Variants in C12orf42 observed in about 807,000 individuals in gnomAD.
C12orf42 encodes uncharacterized protein C12orf42.
C12orf42 carries 25 observed loss-of-function variants against 21.6 expected under a neutral mutation model. The ratio of observed to expected loss-of-function variants is 1.16; its 90% CI spans 0.84 to 1.62. C12orf42 has a LOEUF of 1.62. C12orf42 is among the 40% of genes most tolerant of loss of function. The pLI, the probability that C12orf42 is intolerant of heterozygous loss-of-function variation, is 0.00. For missense variants in C12orf42, 483 were observed against 459.3 expected (o/e 1.05, Z -0.47); for synonymous variants, 174 against 175.0 (o/e 0.99, Z 0.05).
chr12:103,252,383 T>C (rs1225979307), intron 10 of C12orf42, among the ~76,000 whole-genome samples: 2 of 152,212 alleles, frequency 1.3e-5, no homozygotes, highest in Non-Finnish European at 2.9e-5. Flanking sequence ...TCTTCCACAA[T>C]GGCTGAACTA....
chr12:103,544,422 G>A, the C12orf42 span, among the ~76,000 whole-genome samples: 1 of 152,114 alleles, frequency 6.6e-6, no homozygotes, highest in Non-Finnish European at 1.5e-5. Flanking sequence ...TTCTCTGGCT[G>A]CTTTTAAGAC....
At chr12:103,476,444 A>G (rs1859681974) in intron 2 of C12orf42, among the ~76,000 whole-genome samples, 1 of 152,200 alleles carries the variant, frequency 6.6e-6, no homozygotes, top group African/African-American at 2.4e-5. Flanking sequence ...ACTGAGAGGA[A>G]GAACTCTGGC....
At chr12:103,239,133 A>G (rs767498450) in intron 10 of C12orf42, among the ~76,000 whole-genome samples, 1 of 152,170 alleles carries the variant, frequency 6.6e-6, no homozygotes, top group African/African-American at 2.4e-5. Flanking sequence ...TAATATTTGG[A>G]TAAAATAAAA....
intron 2 of C12orf42, among the ~76,000 whole-genome samples, chr12:103,464,998 A>T (rs1223195501): frequency 6.6e-6 from 1 of 152,092 alleles, no homozygotes; most frequent in African/African-American, 2.4e-5. Flanking sequence ...GTCAGGTAGC[A>T]TGATGCTTCC....
At chr12:103,475,324 C>T (rs1436840705) in intron 2 of C12orf42, among the ~76,000 whole-genome samples, 3 of 152,182 alleles carry the variant, frequency 2.0e-5, no homozygotes, top group African/African-American at 7.2e-5. Context: ...ATGTTCTAGT[C>T]AAACATGCAA....
At chr12:103,119,929 A>G in the C12orf42 span, among the ~76,000 whole-genome samples, 1 of 152,202 alleles carries the variant, frequency 6.6e-6, no homozygotes, top group Non-Finnish European at 1.5e-5. Context: ...ATATGGTGGT[A>G]CAACTCTTGG....
chr12:103,465,313 A>C (rs200168563), intron 2 of C12orf42, among the ~76,000 whole-genome samples: 2 of 152,206 alleles, frequency 1.3e-5, no homozygotes, highest in East Asian at 3.9e-4. Context: ...GAGGTCCTTC[A>C]CTTCCCTTGT....
At chr12:103,442,972 C>T (rs74873968) in intron 2 of C12orf42, among the ~76,000 whole-genome samples, 19 of 152,160 alleles carry the variant, frequency 1.2e-4, no homozygotes, top group African/African-American at 3.9e-4. Context: ...GTAGTAAACA[C>T]GGCAGGTGCT....
At chr12:103,249,117 G>C (rs924247891) in intron 10 of C12orf42, among the ~76,000 whole-genome samples, 7 of 151,976 alleles carry the variant, frequency 4.6e-5, no homozygotes, top group African/African-American at 1.7e-4. Context: ...CCCTGAGGGA[G>C]GTCATATTAG....
intron 2 of C12orf42, among the ~76,000 whole-genome samples, chr12:103,459,800 G>A (rs1039361965): frequency 6.6e-6 from 1 of 152,186 alleles, no homozygotes; most frequent in Non-Finnish European, 1.5e-5. Context: ...AGCACACTGT[G>A]TAGACAGAGC....
chr12:103,286,480 T>C (rs2036468332), intron 4 of C12orf42, among the ~76,000 whole-genome samples: 1 of 151,438 alleles, frequency 6.6e-6, no homozygotes, highest in African/African-American at 2.4e-5. Context: ...ATATATAAAA[T>C]AATATCATAG....
rs528571063 is a variant in C12orf42, at chr12:103,452,784, C to A, written c.78+25565G>T. On this transcript the variant is annotated intron_variant, in intron 2 of 5. Transcript: ENST00000548883. The stretch of plus-strand genomic sequence containing the variant: ...AGCAAACTCTCACAAGGACAAAAAA[C>A]CAAACACCAAATGTTCTCACTCATA... Among the ~76,000 whole-genome samples the A allele has an allele frequency of 1.2e-3, 179 of 152,096 alleles. 3 individuals are homozygous for A. The highest frequency in any genetic ancestry group is 4.2e-3 in the African/African-American group (173 of 41,452).
chr12:103,295,414 G>GT (rs11431067), intron 4 of C12orf42, among the ~76,000 whole-genome samples: 24,806 of 147,388 alleles, frequency 0.17, 2,933 homozygotes, highest in African/African-American at 0.34. Context: ...TGCATACATT[G>GT]TTTTTTTTTT....
chr12:103,193,080 T>C, the C12orf42 span, among the ~76,000 whole-genome samples: 3 of 151,558 alleles, frequency 2.0e-5, no homozygotes, highest in Non-Finnish European at 2.9e-5. Context: ...TAAATATGAA[T>C]AAAAAATGAA....
chr12:103,410,124 G>A (rs535899132), intron 2 of C12orf42, among the ~76,000 whole-genome samples: 36 of 152,186 alleles, frequency 2.4e-4, no homozygotes, highest in East Asian at 5.8e-4. Flanking sequence ...GAATTCTCCC[G>A]TAACTCTCCT....
At chr12:103,436,657 G>T (rs1950742964) in intron 2 of C12orf42, among the ~76,000 whole-genome samples, 1 of 151,562 alleles carries the variant, frequency 6.6e-6, no homozygotes, top group Non-Finnish European at 1.5e-5. Flanking sequence ...GACAAAGAAG[G>T]CCATTACATA....
At chr12:103,091,424 G>A in the C12orf42 span, among the ~76,000 whole-genome samples, 1 of 151,468 alleles carries the variant, frequency 6.6e-6, no homozygotes, top group Non-Finnish European at 1.5e-5. Flanking sequence ...CATTTTCTTG[G>A]AGTCACAGAG....
intron 4 of C12orf42, among the ~76,000 whole-genome samples, chr12:103,332,317 T>C (rs149496691): frequency 4.5e-4 from 69 of 152,282 alleles, no homozygotes; most frequent in Non-Finnish European, 7.5e-4. Context: ...TCCAGCACAC[T>C]CACCATGTAA....
intron 4 of C12orf42, among the ~76,000 whole-genome samples, chr12:103,346,444 T>C (rs1047504552): frequency 6.6e-6 from 1 of 152,212 alleles, no homozygotes; most frequent in African/African-American, 2.4e-5. Context: ...TGTATATTTA[T>C]GGTATACAAT....
Sources: gnomAD v4.1 joint callset for allele counts (sites outside exome capture counted in the v4.1 genomes callset) on GRCh38, gnomAD v4.1.1 for gene constraint, MANE v1.5 for transcripts, NCBI Gene and HGNC (gene_info 2026-07-23, HGNC 2026-07-21) for gene names.